HECW2: variants seen among roughly 807,000 people sequenced by gnomAD.
HECW2 encodes the protein HECT, C2 and WW domain containing E3 ubiquitin protein ligase 2, also known as E3 ubiquitin-protein ligase HECW2.
A neutral mutation model predicts 175.2 loss-of-function variants in HECW2; 61 were observed. The ratio of observed to expected loss-of-function variants is 0.35; its 90% CI spans 0.28 to 0.43. The LOEUF (loss-of-function observed/expected upper bound fraction) is 0.43. Ranked by LOEUF, HECW2 falls within the 20% of genes least tolerant of loss-of-function variation. The pLI is 1.00. For missense variants in HECW2, 1,524 were observed against 2,000.5 expected, an observed-to-expected ratio of 0.76 and a Z score of 4.54; for synonymous variants, 671 against 731.0, an observed-to-expected ratio of 0.92 and a Z score of 1.32.
rs1306929444 is a variant in HECW2 at position 196,201,226 on chromosome 2, A to C, written c.*51T>G. The C allele has an allele frequency of 8.9e-7, 1 of 1,126,998 alleles. No homozygotes were observed. The highest frequency in any genetic ancestry group is 1.2e-5 in the South Asian group (1 of 81,134). The allele number at this position is 1,126,998 out of a possible 1,614,324, so 69.8% of individuals were successfully genotyped here. A position where few individuals can be genotyped will look rare whatever the true frequency, so the allele number is the denominator to read the frequency against. ...TCCAATGTTCAATCATTCTTCTAGA[A>C]GGCAGCTTCTGAACCTGCCTGTCCA... On this transcript the variant is annotated 3_prime_UTR_variant, in exon 29 of 29. Coordinates refer to ENST00000644978, the MANE Select transcript of HECW2 (RefSeq NM_001348768.2).
chr2:196,295,128 T>C (rs1690758010), intron 13 of HECW2, among the ~76,000 whole-genome samples: 1 of 152,036 alleles, frequency 6.6e-6, no homozygotes, highest in Non-Finnish European at 1.5e-5. Context: ...ACAGGCTAAA[T>C]AAGAGGAGGT....
At chr2:196,207,590 T>A (rs2105776613) in intron 28 of HECW2, among the ~76,000 whole-genome samples, 1 of 152,340 alleles carries the variant, frequency 6.6e-6, no homozygotes, top group South Asian at 2.1e-4. Flanking sequence ...TCTATGGTGC[T>A]TGCTATTCCA....
At chr2:196,561,705 G>T (rs1575674480) in intron 1 of HECW2, among the ~76,000 whole-genome samples, 1 of 152,126 alleles carries the variant, frequency 6.6e-6, no homozygotes, top group African/African-American at 2.4e-5. Context: ...GAAATATCAG[G>T]GGCTGGTTCC....
In HECW2 at chr2:196,227,990, A is replaced by C; in HGVS notation, c.3917+112T>G. 6.1e-6 allele frequency: 6 copies of C among 990,408 alleles called. No homozygotes were observed. The South Asian group carries it at 1.2e-4, about 20-fold the overall frequency. The allele number at this position is 990,408 out of a possible 1,614,324, so 61.4% of individuals were successfully genotyped here. On this transcript the variant is annotated intron_variant, in intron 22 of 28. Transcript: ENST00000644978. Reference sequence around the variant, plus strand: ...AGTCAAATGAGGTATTTAACTGAAAATATGACTTTGCCCAAGGGAAAAAAT... The same window carrying C: ...AGTCAAATGAGGTATTTAACTGAAACTATGACTTTGCCCAAGGGAAAAAAT...
At chr2:196,588,808 T>C (rs1209322710) in intron 1 of HECW2, among the ~76,000 whole-genome samples, 1 of 152,236 alleles carries the variant, frequency 6.6e-6, no homozygotes, top group African/African-American at 2.4e-5. Context: ...TCTCAGTTTA[T>C]ACTTGTTGAT....
At chr2:196,466,630 T>C (rs941174837) in intron 1 of HECW2, among the ~76,000 whole-genome samples, 2 of 152,150 alleles carry the variant, frequency 1.3e-5, no homozygotes, top group Admixed American at 6.5e-5. Context: ...TGTTTGAAAT[T>C]CTCCAGAAGA....
intron 2 of HECW2, among the ~76,000 whole-genome samples, chr2:196,351,737 A>T (rs914044104): frequency 6.6e-6 from 1 of 152,204 alleles, no homozygotes. Flanking sequence ...ATTGAAAACA[A>T]CTATGTCCTG....
At chr2:196,440,431 T>C (rs1318554664) in intron 1 of HECW2, among the ~76,000 whole-genome samples, 3 of 152,150 alleles carry the variant, frequency 2.0e-5, no homozygotes, top group South Asian at 2.1e-4. Context: ...TTAGAGTTCA[T>C]GTTTTGATAG....
chr2:196,425,065 C>G (rs1695505327), intron 2 of HECW2, among the ~76,000 whole-genome samples: 1 of 152,058 alleles, frequency 6.6e-6, no homozygotes. Context: ...TTCCAGAAAT[C>G]CTAGAGCCCT....
intron 14 of HECW2, among the ~76,000 whole-genome samples, chr2:196,286,613 CATTA>C (rs1690400242): frequency 6.6e-6 from 1 of 152,110 alleles, no homozygotes; most frequent in Non-Finnish European, 1.5e-5. Context: ...TACACTTACG[CATTA>C]ATTCTTTCTA....
rs777097000 is a variant in HECW2 at position 196,319,815 on chromosome 2, C to G, written c.1075G>C (p.Gly359Arg). Residue 359 changes from glycine (G) to arginine (R), a missense_variant, in exon 9 of 29, where the codon GGG becomes CGG. This residue lies in a region of HECW2 where 604 missense variants were observed against 588.3 expected (regional missense o/e 1.03). Coordinates refer to ENST00000644978, the MANE Select transcript of HECW2 (RefSeq NM_001348768.2). ...CACACCTGGCTGTCGTGATGGCTCC[C>G]TGGCATGTCCTCGTCATCGGAAGGG... ...GSPSDDEDMP[G>R]SHHDSQVCSN... is the part of the protein sequence containing the mutation. The G allele has an allele frequency of 1.9e-5, 31 of 1,614,092 alleles. No homozygotes were observed. The East Asian group carries it at 6.9e-4, about 36-fold the overall frequency.
At chr2:196,569,376 A>AAACTAAAC (rs1559180288) in intron 1 of HECW2, among the ~76,000 whole-genome samples, 8 of 87,376 alleles carry the variant, frequency 9.2e-5, no homozygotes, top group African/African-American at 3.5e-4. Flanking sequence ...CTAAACTAAA[A>AAACTAAAC]TAAAATAAAA....
At chr2:196,401,995 T>C (rs1486187970) in intron 2 of HECW2, among the ~76,000 whole-genome samples, 2 of 151,432 alleles carry the variant, frequency 1.3e-5, no homozygotes, top group African/African-American at 4.9e-5. Context: ...GGTCAGGAGA[T>C]CGAGACCATC....
intron 1 of HECW2, among the ~76,000 whole-genome samples, chr2:196,542,265 GA>G (rs1181642124): frequency 0.45 from 41,251 of 92,070 alleles, 8,539 homozygotes; most frequent in African/African-American, 0.69. Flanking sequence ...CTCTGTCTCA[GA>G]AAAAAAAAAA....
At chr2:196,443,563 A>G (rs921515312) in intron 1 of HECW2, among the ~76,000 whole-genome samples, 1 of 152,262 alleles carries the variant, frequency 6.6e-6, no homozygotes, top group African/African-American at 2.4e-5. Flanking sequence ...ATGCCAGATT[A>G]GGAAAATGAA....
chr2:196,271,127 C>A, intron 17 of HECW2, 66 bp downstream of exon 17: 1 of 895,554 alleles, frequency 1.1e-6, no homozygotes, highest in South Asian at 1.4e-5. Context: ...AGACAACTAT[C>A]AGTAAAACTA....
At chr2:196,587,819 A>T (rs1436292087) in intron 1 of HECW2, among the ~76,000 whole-genome samples, 1 of 152,190 alleles carries the variant, frequency 6.6e-6, no homozygotes, top group Non-Finnish European at 1.5e-5. Context: ...TCATAATTAA[A>T]TGGCCTATCT....
chr2:196,534,205 T>C (rs550763611), intron 1 of HECW2, among the ~76,000 whole-genome samples: 20 of 152,302 alleles, frequency 1.3e-4, no homozygotes, highest in Middle Eastern at 3.4e-3. Context: ...CACAGAAGTA[T>C]TTCCTGACCA....
chr2:196,586,238 G>A (rs1690970138), intron 1 of HECW2, among the ~76,000 whole-genome samples: 1 of 152,068 alleles, frequency 6.6e-6, no homozygotes, highest in African/African-American at 2.4e-5. Context: ...TAAGATTGTG[G>A]CATATTGTTT....
Sources: gnomAD v4.1 joint callset for allele counts (sites outside exome capture counted in the v4.1 genomes callset) on GRCh38, gnomAD v4.1.1 for gene constraint, gnomAD v4.1.1 regional missense constraint, MANE v1.5 for transcripts, NCBI Gene and HGNC (gene_info 2026-07-23, HGNC 2026-07-21) for gene names.